VPS26C: variants seen among roughly 807,000 people sequenced by gnomAD.
The protein encoded by VPS26C is vacuolar protein sorting-associated protein 26C.
VPS26C carries 19 observed loss-of-function variants against 30.6 expected under a neutral mutation model. That is an observed-to-expected ratio of 0.62 (90% CI 0.43 to 0.91). The LOEUF (loss-of-function observed/expected upper bound fraction) is 0.91, where lower values mean the gene tolerates loss of function less well. Ranked by LOEUF, VPS26C falls within the 40% of genes least tolerant of loss-of-function variation. The pLI, the probability that VPS26C is intolerant of heterozygous loss-of-function variation, is 0.00. For synonymous variants in VPS26C, 132 were observed against 151.5 expected, an observed-to-expected ratio of 0.87 and a Z score of 0.95; for missense variants, 318 against 385.1, an observed-to-expected ratio of 0.83 and a Z score of 1.46.
chr21:37,264,386 C>T lies in VPS26C; in HGVS notation c.57+2852G>A, dbSNP rs190789023. Among the ~76,000 whole-genome samples the T allele has an allele frequency of 3.6e-3, 554 of 152,238 alleles. 5 individuals carry two copies. Among genetic ancestry groups the T allele is most frequent in the African/African-American group, 0.013 (531 of 41,530 alleles). ...TGACTCTGTCTTCAACTCTGTGACCCGCAGGAAGTGGTCCTGGCTGTGTAT... is the reference window on the plus strand; with the variant it reads ...TGACTCTGTCTTCAACTCTGTGACCTGCAGGAAGTGGTCCTGGCTGTGTAT... On this transcript the variant is annotated intron_variant, in intron 1 of 7. Coordinates refer to ENST00000309117, the MANE Select transcript of VPS26C (RefSeq NM_006052.2).
At chr21:37,231,926 C>T (rs575212734) in intron 5 of VPS26C, 5 of 170,370 alleles carry the variant, frequency 2.9e-5, no homozygotes, top group South Asian at 1.5e-4. Flanking sequence ...GAGGGCACTG[C>T]GGAATCTTTG....
At chr21:37,245,972 A>G (rs1216049060) in intron 1 of VPS26C, among the ~76,000 whole-genome samples, 1 of 152,218 alleles carries the variant, frequency 6.6e-6, no homozygotes, top group Non-Finnish European at 1.5e-5. Context: ...GCAGGGCAGA[A>G]ATGACAAAAT....
At chr21:37,258,993 C>G (rs1460190488) in intron 1 of VPS26C, among the ~76,000 whole-genome samples, 1 of 152,072 alleles carries the variant, frequency 6.6e-6, no homozygotes, top group Non-Finnish European at 1.5e-5. Flanking sequence ...CAAGCTTTTT[C>G]AGGAGTATTA....
chr21:37,267,208 C>CCAAA, intron 1 of VPS26C, 30 bp downstream of exon 1: 1 of 1,000,718 alleles, frequency 1.0e-6, no homozygotes, highest in Non-Finnish European at 1.6e-6. Context: ...CCCAACCCCA[C>CCAAA]CTCCATCCCC....
chr21:37,232,682 G>A (rs1479069427), intron 4 of VPS26C: 3 of 587,340 alleles, frequency 5.1e-6, no homozygotes, highest in East Asian at 5.6e-5. Context: ...AATCTCCAAC[G>A]TGCCTTTCAG....
At chr21:37,244,226 G>C (rs972998298) in intron 1 of VPS26C, among the ~76,000 whole-genome samples, 3 of 152,230 alleles carry the variant, frequency 2.0e-5, no homozygotes, top group African/African-American at 4.8e-5. Context: ...TGTTCAAAGG[G>C]GGGCAAAAGC....
Position 37,244,378 on chromosome 21 carries a change from C to T in VPS26C, c.58-3739G>A, listed in dbSNP as rs1161470284. ...TCAGCCTCCCAAGTAGCTGGGACTA[C>T]AGGCATGCACCACCACACCCAGCTA... is the stretch of plus-strand genomic sequence containing the variant. On this transcript the variant is annotated intron_variant, in intron 1 of 7. Transcript: ENST00000309117. 2.6e-5 allele frequency among the ~76,000 whole-genome samples: 4 copies of T among 152,258 alleles called. No homozygotes were observed. The East Asian group carries it at 7.7e-4, about 29-fold the overall frequency.
intron 3 of VPS26C, among the ~76,000 whole-genome samples, chr21:37,237,932 C>G (rs555356285): frequency 6.6e-6 from 1 of 152,204 alleles, no homozygotes; most frequent in Admixed American, 6.5e-5. Context: ...TCTCACCCCG[C>G]GTGGACTCCA....
chr21:37,265,910 CTTTTTTTTTTTTTT>C lies in VPS26C; in HGVS notation c.57+1314_57+1327del, dbSNP rs59649054. ...CTCCATTATAAAGGTAGCTTTTTCTCTTTTTTTTTTTTTTTTTTTTTTTTTGAGACGGGGTCTCA... is the reference window on the plus strand; with the variant it reads ...CTCCATTATAAAGGTAGCTTTTTCTCTTTTTTTTTTTGAGACGGGGTCTCA... On this transcript the variant is annotated intron_variant, in intron 1 of 7. Transcript: ENST00000309117. 1.2e-4 allele frequency among the ~76,000 whole-genome samples: 9 copies of C among 77,240 alleles called. No individual in the cohort carries two copies. The East Asian group carries it at 1.8e-3, about 15-fold the overall frequency. The allele number at this position is 77,240 out of a possible 152,430, so 50.7% of individuals were successfully genotyped here. A position where few individuals can be genotyped will look rare whatever the true frequency, so the allele number is the denominator to read the frequency against.
At chr21:37,234,823 A>T (rs1177434066) in intron 3 of VPS26C, among the ~76,000 whole-genome samples, 2 of 152,038 alleles carry the variant, frequency 1.3e-5, no homozygotes, top group Non-Finnish European at 2.9e-5. Context: ...CTTTATGTAG[A>T]ATATATATAC....
In VPS26C at chr21:37,225,606, C is replaced by T. The variant is rs1343436506; in HGVS notation, c.832G>A (p.Val278Met). 4 of 1,613,874 alleles carry T rather than the reference C, an allele frequency of 2.5e-6. No homozygotes were observed. Among genetic ancestry groups the T allele is most frequent in the East Asian group, 4.5e-5 (2 of 44,892 alleles). Residue 278 changes from valine (V) to methionine (M), a missense_variant, in exon 8 of 8, where the codon GTG becomes ATG. Transcript: ENST00000309117. ...ATGAGGTGGTCAGGGTGAAGCAGCA[C>T]CACGATGTTAACCTCAAATTCTGAG... ...FKVEFEVNIV[V>M]LLHPDHLITE...
At chr21:37,232,096 G>C in intron 5 of VPS26C, 1 of 430,406 alleles carries the variant, frequency 2.3e-6, no homozygotes. Flanking sequence ...GCAGCAGGGG[G>C]TCTTGGGGGC....
chr21:37,228,504 A>C, intron 5 of VPS26C, 131 bp from the exon 6 acceptor site: 2 of 992,528 alleles, frequency 2.0e-6, no homozygotes, highest in African/African-American at 1.6e-5. Flanking sequence ...GTCTCACAAA[A>C]CGGGAAGAAA....
At chr21:37,248,484 A>T (rs149417731) in intron 1 of VPS26C, among the ~76,000 whole-genome samples, 3 of 152,314 alleles carry the variant, frequency 2.0e-5, no homozygotes, top group African/African-American at 7.2e-5. Context: ...TCAACTGTAT[A>T]TAAGTAAATT....
At chr21:37,267,669 T>C (rs1377593066), upstream of VPS26C, 1 of 287,840 alleles carries the variant, frequency 3.5e-6, no homozygotes, top group African/African-American at 2.2e-5. Flanking sequence ...GCCCCGCGGC[T>C]GGAGGCGGAG....
At chr21:37,263,009 C>A (rs553931759) in intron 1 of VPS26C, among the ~76,000 whole-genome samples, 1 of 152,242 alleles carries the variant, frequency 6.6e-6, no homozygotes, top group South Asian at 2.1e-4. Flanking sequence ...AAGTGATCTG[C>A]CTACCTCGGC....
chr21:37,254,813 A>T (rs959876394), intron 1 of VPS26C, among the ~76,000 whole-genome samples: 2 of 148,544 alleles, frequency 1.3e-5, no homozygotes, highest in South Asian at 4.2e-4. Flanking sequence ...AGAAAAAAAA[A>T]ATAAATAAAA....
At chr21:37,246,760 C>T (rs547695606) in intron 1 of VPS26C, among the ~76,000 whole-genome samples, 24 of 152,088 alleles carry the variant, frequency 1.6e-4, no homozygotes, top group Non-Finnish European at 3.2e-4. Context: ...ATTATTCAAA[C>T]CATACTTCCA....
upstream of VPS26C, chr21:37,267,467 C>T: frequency 3.5e-6 from 2 of 572,740 alleles, no homozygotes; most frequent in South Asian, 2.0e-5. Context: ...CGAATGCCCA[C>T]GCCTTCCTCC....
Sources: allele counts gnomAD v4.1 joint callset (sites outside exome capture counted in the v4.1 genomes callset), GRCh38; gene constraint gnomAD v4.1.1; transcripts MANE v1.5; gene names NCBI Gene and HGNC (gene_info 2026-07-23, HGNC 2026-07-21).